MGST2: variants seen among roughly 807,000 people sequenced by gnomAD.
The protein encoded by MGST2 is glutathione peroxidase MGST2.
MGST2 carries 9 observed loss-of-function variants against 16.6 expected under a neutral mutation model. That is an observed-to-expected ratio of 0.54 (90% confidence interval 0.33 to 0.95). The LOEUF (loss-of-function observed/expected upper bound fraction) is 0.95, where lower values mean the gene tolerates loss of function less well. Among genes scored for constraint, MGST2 ranks in the 40% least tolerant of loss-of-function variants. The pLI is 0.03. For synonymous variants in MGST2, 79 were observed against 68.0 expected (o/e 1.16, Z -0.79); for missense variants, 159 against 175.1 (o/e 0.91, Z 0.52).
At chr4:139,721,577 C>T (rs1187734778) in intron 5 of MGST2, among the ~76,000 whole-genome samples, 1 of 152,104 alleles carries the variant, frequency 6.6e-6, no homozygotes, top group Non-Finnish European at 1.5e-5. Context: ...CCTGATGTGG[C>T]TATTGATTTC....
downstream of MGST2, among the ~76,000 whole-genome samples, chr4:139,742,557 T>C (rs563360677): frequency 6.6e-6 from 1 of 152,320 alleles, no homozygotes; most frequent in South Asian, 2.1e-4. Context: ...ATCGTCCCTA[T>C]TAATAATGAG....
At chr4:139,728,080 T>A (rs1309722926) in intron 5 of MGST2, among the ~76,000 whole-genome samples, 1 of 152,120 alleles carries the variant, frequency 6.6e-6, no homozygotes, top group Non-Finnish European at 1.5e-5. Flanking sequence ...CCAGGCGTGA[T>A]GGTGTTTGCC....
intron 5 of MGST2, among the ~76,000 whole-genome samples, chr4:139,709,778 T>C (rs1163721250): frequency 6.6e-6 from 1 of 152,212 alleles, no homozygotes; most frequent in Non-Finnish European, 1.5e-5. Flanking sequence ...GATCCAGTGG[T>C]ATTGATGGAT....
chr4:139,700,959 T>G (rs534064338), intron 3 of MGST2, among the ~76,000 whole-genome samples: 1 of 152,348 alleles, frequency 6.6e-6, no homozygotes, highest in Admixed American at 6.5e-5. Context: ...TTCTTTTAGT[T>G]TTTACTGTGA....
At chr4:139,728,724 C>A (rs1296557108) in intron 5 of MGST2, among the ~76,000 whole-genome samples, 5 of 152,174 alleles carry the variant, frequency 3.3e-5, no homozygotes, top group Admixed American at 2.0e-4. Context: ...TGAGGGGTCT[C>A]CCCTGACCTC....
At chr4:139,730,677 CAAG>C (rs1357343556) in intron 5 of MGST2, 1 of 1,608,506 alleles carries the variant, frequency 6.2e-7, no homozygotes, top group East Asian at 2.2e-5. Flanking sequence ...CCTGGGAAGA[CAAG>C]AGAGAGGGAG....
At chr4:139,700,070 T>C (rs1440253461) in intron 3 of MGST2, among the ~76,000 whole-genome samples, 1 of 151,368 alleles carries the variant, frequency 6.6e-6, no homozygotes, top group Non-Finnish European at 1.5e-5. Context: ...TAGCTATTAT[T>C]TATTGAGCCC....
chr4:139,739,380 T>G (rs1433199828), intron 5 of MGST2, among the ~76,000 whole-genome samples: 1 of 152,210 alleles, frequency 6.6e-6, no homozygotes, highest in African/African-American at 2.4e-5. Flanking sequence ...GCTTTGAACA[T>G]AGTTACCATA....
chr4:139,682,071 C>G (rs151041848), intron 2 of MGST2, among the ~76,000 whole-genome samples: 24 of 152,008 alleles, frequency 1.6e-4, no homozygotes, highest in African/African-American at 5.5e-4. Flanking sequence ...GGGTACATAC[C>G]TGCAGTCCTA....
intron 5 of MGST2, among the ~76,000 whole-genome samples, chr4:139,712,679 C>G (rs1460743364): frequency 6.6e-6 from 1 of 152,236 alleles, no homozygotes; most frequent in South Asian, 2.1e-4. Context: ...ACTTGGGGCT[C>G]CTGGACCTGT....
intron 5 of MGST2, among the ~76,000 whole-genome samples, chr4:139,714,546 G>A (rs529272898): frequency 3.3e-5 from 5 of 152,308 alleles, no homozygotes; most frequent in Non-Finnish European, 5.9e-5. Flanking sequence ...CAAAATACGC[G>A]TAATAAAACA....
At chr4:139,738,175 G>T (rs1481824361) in intron 5 of MGST2, among the ~76,000 whole-genome samples, 1 of 152,246 alleles carries the variant, frequency 6.6e-6, no homozygotes, top group Non-Finnish European at 1.5e-5. Context: ...TGATCATGCA[G>T]GGCATCCTTC....
At chr4:139,673,453 C>T (rs1277583644) in intron 1 of MGST2, among the ~76,000 whole-genome samples, 3 of 152,052 alleles carry the variant, frequency 2.0e-5, no homozygotes, top group Non-Finnish European at 4.4e-5. Flanking sequence ...GCTCTGTCAC[C>T]CAGGCTGGAG....
intron 1 of MGST2, among the ~76,000 whole-genome samples, chr4:139,666,325 G>A (rs1054367816): frequency 6.6e-6 from 1 of 152,024 alleles, no homozygotes; most frequent in Non-Finnish European, 1.5e-5. Flanking sequence ...CAACTGGAAC[G>A]CTGTGGGGCC....
the MGST2 span, among the ~76,000 whole-genome samples, chr4:139,753,354 A>ATCTATC: frequency 1.3e-5 from 2 of 150,752 alleles, no homozygotes; most frequent in Non-Finnish European, 2.9e-5. Flanking sequence ...CTATCTATCT[A>ATCTATC]TCTATCTATC....
intron 2 of MGST2, among the ~76,000 whole-genome samples, chr4:139,681,021 A>AT (rs77011119): frequency 2.8e-4 from 42 of 150,424 alleles, no homozygotes; most frequent in Admixed American, 7.3e-4. Flanking sequence ...CTGTTTTAGA[A>AT]TTTTTTTTTT....
chr4:139,669,179 G>C (rs547420699), intron 1 of MGST2, among the ~76,000 whole-genome samples: 17 of 152,238 alleles, frequency 1.1e-4, no homozygotes, highest in Non-Finnish European at 2.4e-4. Flanking sequence ...ACTTTGGAAT[G>C]CCCTTGGCTG....
the MGST2 span, among the ~76,000 whole-genome samples, chr4:139,749,100 C>T: frequency 6.6e-6 from 1 of 152,102 alleles, no homozygotes; most frequent in East Asian, 1.9e-4. Context: ...ATATTTCCTT[C>T]CTCAGGAAAG....
At chr4:139,698,547 C>T (rs1579325440) in intron 3 of MGST2, 6 of 983,028 alleles carry the variant, frequency 6.1e-6, no homozygotes, top group Middle Eastern at 2.3e-4. Context: ...CTGCTTTGTA[C>T]GAGCCATGGT....
Sources: allele counts gnomAD v4.1 joint callset (sites outside exome capture counted in the v4.1 genomes callset), GRCh38; gene constraint gnomAD v4.1.1; transcripts MANE v1.5; gene names NCBI Gene and HGNC (gene_info 2026-07-23, HGNC 2026-07-21).